GLIS3: variants seen among roughly 807,000 people sequenced by gnomAD.
GLIS3 encodes the protein GLIS family zinc finger 3.
In GLIS3, 53 loss-of-function variants were observed where a neutral mutation model predicts 78.6. The observed-to-expected ratio is 0.67, with a 90% CI of 0.54 to 0.85. The LOEUF (loss-of-function observed/expected upper bound fraction) is 0.85, where lower values mean the gene tolerates loss of function less well. Ranked by LOEUF, GLIS3 falls within the 40% of genes least tolerant of loss-of-function variation. GLIS3 has a pLI of 0.00. For missense variants in GLIS3, 1,703 were observed against 1,231.1 expected, an observed-to-expected ratio of 1.38 and a Z score of -5.74; for synonymous variants, 684 against 509.9, an observed-to-expected ratio of 1.34 and a Z score of -4.60.
At chr9:3,914,668 A>C (rs1824382227) in intron 6 of GLIS3, among the ~76,000 whole-genome samples, 1 of 152,210 alleles carries the variant, frequency 6.6e-6, no homozygotes, top group African/African-American at 2.4e-5. Context: ...CTTGCTTCTA[A>C]AGAGTCAATG....
chr9:4,115,824 G>C (rs1162178886), intron 4 of GLIS3, among the ~76,000 whole-genome samples: 3 of 152,054 alleles, frequency 2.0e-5, no homozygotes, highest in Non-Finnish European at 2.9e-5. Flanking sequence ...ATGCTTTGTG[G>C]TCCTAGATTC....
chr9:4,187,015 C>T (rs1267778354), intron 2 of GLIS3, among the ~76,000 whole-genome samples: 1 of 152,184 alleles, frequency 6.6e-6, no homozygotes, highest in Admixed American at 6.5e-5. Flanking sequence ...TCCCATTTGT[C>T]AATTCTGGCT....
At chr9:4,266,238 A>C (rs1444668967) in intron 2 of GLIS3, among the ~76,000 whole-genome samples, 1 of 151,760 alleles carries the variant, frequency 6.6e-6, no homozygotes, top group Non-Finnish European at 1.5e-5. Context: ...CTGCTTCTTA[A>C]CTTTTTCTGT....
At chr9:4,480,836 A>G in the GLIS3 span, among the ~76,000 whole-genome samples, 1 of 97,024 alleles carries the variant, frequency 1.0e-5, no homozygotes, top group African/African-American at 5.4e-5. Flanking sequence ...ACCTTCATTG[A>G]AAAAAAAAAA....
intron 6 of GLIS3, among the ~76,000 whole-genome samples, chr9:3,904,953 C>T (rs73386104): frequency 6.6e-6 from 1 of 151,624 alleles, no homozygotes; most frequent in East Asian, 1.9e-4. Flanking sequence ...CAGGCTAACA[C>T]AGTTTCTCTT....
intron 7 of GLIS3, among the ~76,000 whole-genome samples, chr9:3,895,899 T>G (rs1302065128): frequency 6.6e-6 from 1 of 152,232 alleles, no homozygotes; most frequent in African/African-American, 2.4e-5. Flanking sequence ...TCAACGGGTT[T>G]CCATCAAAAT....
chr9:3,840,909 T>C (rs1424710076), intron 9 of GLIS3, among the ~76,000 whole-genome samples: 3 of 152,168 alleles, frequency 2.0e-5, no homozygotes, highest in Non-Finnish European at 1.5e-5. Context: ...CATTTATCAC[T>C]GTGAACCACA....
chr9:4,435,351 T>C, the GLIS3 span, among the ~76,000 whole-genome samples: 6 of 152,184 alleles, frequency 3.9e-5, no homozygotes, highest in Admixed American at 2.0e-4. Context: ...ACAAGGAAGG[T>C]TGGGTAATGT....
At chr9:3,950,926 A>G (rs1393199285) in intron 4 of GLIS3, among the ~76,000 whole-genome samples, 1 of 152,234 alleles carries the variant, frequency 6.6e-6, no homozygotes, top group Non-Finnish European at 1.5e-5. Context: ...TCCACTCAGA[A>G]TAACCATAAA....
chr9:3,947,676 G>A (rs1178343095), intron 4 of GLIS3, among the ~76,000 whole-genome samples: 1 of 152,224 alleles, frequency 6.6e-6, no homozygotes. Flanking sequence ...CCAAAAAACG[G>A]AGTGCAAGAT....
chr9:4,440,952 T>G, the GLIS3 span, among the ~76,000 whole-genome samples: 1 of 152,134 alleles, frequency 6.6e-6, no homozygotes, highest in African/African-American at 2.4e-5. Flanking sequence ...TTTTTTCAGA[T>G]AGTTTGCTAT....
intron 2 of GLIS3, among the ~76,000 whole-genome samples, chr9:4,156,071 C>G (rs949493772): frequency 2.6e-5 from 4 of 152,254 alleles, no homozygotes; most frequent in Middle Eastern, 6.8e-3. Context: ...GAAGTACATT[C>G]AAACCCCAAG....
chr9:4,305,823 G>A (rs1817214754), intron 4 of GLIS3: 1 of 152,206 alleles, frequency 6.6e-6, no homozygotes, highest in Admixed American at 6.5e-5. Context: ...TTGGTGAAGG[G>A]AAGGGTGGAG....
At chr9:4,223,881 T>C (rs137994988) in intron 2 of GLIS3, among the ~76,000 whole-genome samples, 2 of 152,134 alleles carry the variant, frequency 1.3e-5, no homozygotes, top group East Asian at 3.8e-4. Flanking sequence ...ACCTGTTCTC[T>C]AATAAATTTC....
chr9:4,099,326 G>T (rs1830190471), intron 4 of GLIS3, among the ~76,000 whole-genome samples: 1 of 152,174 alleles, frequency 6.6e-6, no homozygotes, highest in Non-Finnish European at 1.5e-5. Context: ...TCGGTTCTAT[G>T]CCTCTCTGCT....
chr9:4,384,256 G>C, the GLIS3 span, among the ~76,000 whole-genome samples: 1 of 152,012 alleles, frequency 6.6e-6, no homozygotes, highest in Non-Finnish European at 1.5e-5. Flanking sequence ...GGAATCTTTT[G>C]AAACAACAGC....
At chr9:4,122,290 T>A (rs532686875) in intron 3 of GLIS3, among the ~76,000 whole-genome samples, 38 of 152,150 alleles carry the variant, frequency 2.5e-4, no homozygotes, top group South Asian at 1.7e-3. Flanking sequence ...TATATGTAGA[T>A]CATGAAAAAG....
At chr9:4,311,215 C>T (rs1218184128) in intron 2 of GLIS3, among the ~76,000 whole-genome samples, 1 of 152,086 alleles carries the variant, frequency 6.6e-6, no homozygotes, top group Non-Finnish European at 1.5e-5. Flanking sequence ...TCAAGACCAG[C>T]CTGGCCAACA....
At chr9:4,265,483 C>A (rs1020192381) in intron 2 of GLIS3, among the ~76,000 whole-genome samples, 1 of 151,332 alleles carries the variant, frequency 6.6e-6, no homozygotes, top group African/African-American at 2.5e-5. Context: ...ACATTCTATA[C>A]CCTTAGCCAC....
Sources: allele counts gnomAD v4.1 joint callset (sites outside exome capture counted in the v4.1 genomes callset), GRCh38; gene constraint gnomAD v4.1.1; transcripts MANE v1.5; gene names NCBI Gene and HGNC (gene_info 2026-07-23, HGNC 2026-07-21).